Variants in LUC7L2 observed in about 807,000 individuals in gnomAD.
LUC7L2 encodes putative RNA-binding protein Luc7-like 2.
In LUC7L2, 25 loss-of-function variants were observed where a neutral mutation model predicts 52.8. The ratio of observed to expected loss-of-function variants is 0.47; its 90% CI spans 0.34 to 0.66. The LOEUF (loss-of-function observed/expected upper bound fraction) is 0.66. LUC7L2 is among the 30% of genes least tolerant of loss of function. The probability of loss-of-function intolerance (pLI) is 0.01; values close to 1 mark genes in which losing one functional copy is unlikely to be tolerated. For synonymous variants in LUC7L2, 144 were observed against 160.9 expected (o/e 0.89, Z 0.80); for missense variants, 328 against 497.8 (o/e 0.66, Z 3.25).
intron 2 of LUC7L2, among the ~76,000 whole-genome samples, chr7:139,391,895 T>C (rs76390100): frequency 1.3e-5 from 2 of 152,306 alleles, no homozygotes; most frequent in East Asian, 3.9e-4. Flanking sequence ...CCTGGCTTCA[T>C]TGATTTTTCC....
At chr7:139,347,205 A>G (rs1448510070) in intron 1 of LUC7L2, among the ~76,000 whole-genome samples, 3 of 152,028 alleles carry the variant, frequency 2.0e-5, no homozygotes, top group Non-Finnish European at 2.9e-5. Context: ...AGCACCTTCC[A>G]CAGTGACTTA....
intron 1 of LUC7L2, chr7:139,341,236 C>T: frequency 7.3e-7 from 1 of 1,376,008 alleles, no homozygotes; most frequent in African/African-American, 1.5e-5. Context: ...AAGGTTCGGT[C>T]AACGGACAAG....
chr7:139,380,019 A>T (rs1398102151), intron 2 of LUC7L2, among the ~76,000 whole-genome samples: 1 of 151,026 alleles, frequency 6.6e-6, no homozygotes, highest in Admixed American at 6.6e-5. Flanking sequence ...CTCTACTGAA[A>T]ATACAAAAAA....
chr7:139,345,235 A>G (rs1335407052), intron 1 of LUC7L2, among the ~76,000 whole-genome samples: 6 of 152,262 alleles, frequency 3.9e-5, no homozygotes, highest in African/African-American at 1.4e-4. Context: ...AAATTAAGGA[A>G]TTGAAACTAG....
intron 4 of LUC7L2, among the ~76,000 whole-genome samples, chr7:139,403,622 G>A (rs1795005990): frequency 2.0e-5 from 3 of 152,314 alleles, no homozygotes; most frequent in Middle Eastern, 3.4e-3. Flanking sequence ...GGTAGAGCCT[G>A]AGTTGTATTG....
intron 1 of LUC7L2, among the ~76,000 whole-genome samples, chr7:139,368,735 C>T (rs1207166911): frequency 1.4e-5 from 1 of 71,818 alleles, no homozygotes; most frequent in Non-Finnish European, 2.3e-5. Context: ...GAGACACCGT[C>T]TCAAAAAAAA....
intron 1 of LUC7L2, among the ~76,000 whole-genome samples, chr7:139,354,630 G>A (rs1205780220): frequency 6.6e-6 from 1 of 152,174 alleles, no homozygotes; most frequent in Non-Finnish European, 1.5e-5. Context: ...CCAAAGTGCT[G>A]GGATTATAGG....
intron 2 of LUC7L2, among the ~76,000 whole-genome samples, chr7:139,381,385 ATT>A (rs11343517): frequency 1.4e-4 from 11 of 76,686 alleles, no homozygotes; most frequent in African/African-American, 7.1e-4. Context: ...TTTTTATTTT[ATT>A]TTTTATTTTA....
intron 1 of LUC7L2, among the ~76,000 whole-genome samples, chr7:139,367,282 T>C (rs1310310437): frequency 4.6e-5 from 7 of 152,178 alleles, no homozygotes; most frequent in Admixed American, 4.6e-4. Flanking sequence ...TTGCCTTTAT[T>C]ATTATTTACT....
At chr7:139,370,800 G>A (rs1438377053) in intron 1 of LUC7L2, among the ~76,000 whole-genome samples, 1 of 152,092 alleles carries the variant, frequency 6.6e-6, no homozygotes, top group Non-Finnish European at 1.5e-5. Flanking sequence ...TTCCTGCCCT[G>A]GACTAGACTA....
chr7:139,383,604 C>T lies in LUC7L2; in HGVS notation c.156+7448C>T, dbSNP rs565426744. 2.2e-4 allele frequency among the ~76,000 whole-genome samples: 32 copies of T among 145,200 alleles called. 3 individuals are homozygous for T. The Middle Eastern group carries it at 0.012, about 56-fold the overall frequency. On this transcript the variant is annotated intron_variant, in intron 2 of 9. Coordinates refer to ENST00000354926, the MANE Select transcript of LUC7L2 (RefSeq NM_016019.5). ...TAATTGTTTGTATTTTTAGTAGAAA[C>T]GGGGTTTCACCATGTTAGCCAGGCT...
Position 139,360,173 on chromosome 7 carries a change from A to G in LUC7L2, c.-89A>G, listed in dbSNP as rs527344699. On this transcript the variant is annotated 5_prime_UTR_variant, in exon 1 of 10. Coordinates refer to ENST00000354926, the MANE Select transcript of LUC7L2 (RefSeq NM_016019.5). ...GCGGCGGCCACCGAGACAGCAGCGC[A>G]CCTTCCCCCATCCCTTCCCCTTATC... is the stretch of plus-strand genomic sequence containing the variant. The G allele has an allele frequency of 3.1e-6, 3 of 964,798 alleles. No individual in the cohort carries two copies. The highest frequency in any genetic ancestry group is 1.5e-5 in the South Asian group (1 of 65,402). The allele number at this position is 964,798 out of a possible 1,614,324, so 59.8% of individuals were successfully genotyped here.
chr7:139,384,413 G>T (rs993541677), intron 2 of LUC7L2, among the ~76,000 whole-genome samples: 10 of 151,984 alleles, frequency 6.6e-5, no homozygotes, highest in Non-Finnish European at 1.2e-4. Context: ...TTACAGGCTT[G>T]CACCACCATG....
At chr7:139,385,897 G>A (rs1198060151) in intron 2 of LUC7L2, among the ~76,000 whole-genome samples, 5 of 152,164 alleles carry the variant, frequency 3.3e-5, no homozygotes, top group African/African-American at 1.2e-4. Context: ...GGAAACAAGT[G>A]TGTTCTCCGC....
intron 9 of LUC7L2, 110 bp from the exon 10 acceptor site, chr7:139,422,053 A>G (rs1795932448): frequency 1.4e-6 from 2 of 1,440,612 alleles, no homozygotes; most frequent in East Asian, 2.5e-5. Flanking sequence ...TGTCATGGGT[A>G]TATTCGTCTA....
chr7:139,359,596 T>G, upstream of LUC7L2: 1 of 383,098 alleles, frequency 2.6e-6, no homozygotes, highest in Non-Finnish European at 4.6e-6. Flanking sequence ...TCTAGCGCAT[T>G]TTGCTAATTT....
chr7:139,369,383 A>AT (rs1181571056), intron 1 of LUC7L2, among the ~76,000 whole-genome samples: 1 of 152,184 alleles, frequency 6.6e-6, no homozygotes, highest in Admixed American at 6.5e-5. Flanking sequence ...TCTCTTGTAA[A>AT]TTTAAGAAGA....
rs576556794 is a variant in LUC7L2 at position 139,359,942 on chromosome 7, G to C, written c.-320G>C. The C allele has an allele frequency of 2.4e-6, 1 of 421,946 alleles. No individual in the cohort carries two copies. Among genetic ancestry groups the C allele is most frequent in the Admixed American group, 4.4e-5 (1 of 22,830 alleles). 26.1% of individuals were successfully genotyped at this position (421,946 alleles called of 1,614,324 possible). A position where few individuals can be genotyped will look rare whatever the true frequency, so the allele number is the denominator to read the frequency against. On this transcript the variant is annotated 5_prime_UTR_variant, in exon 1 of 10. Transcript: ENST00000354926. ...GGCGAGCGGCGTCAGAGCTTGAGGGGGGGTTGACGGCTTCTGGCGGGTGGC... is the reference window on the plus strand; with the variant it reads ...GGCGAGCGGCGTCAGAGCTTGAGGGCGGGTTGACGGCTTCTGGCGGGTGGC...
chr7:139,370,079 C>T (rs1800364468), intron 1 of LUC7L2, among the ~76,000 whole-genome samples: 2 of 152,118 alleles, frequency 1.3e-5, no homozygotes, highest in South Asian at 4.1e-4. Context: ...GAAAGTTTTA[C>T]ATAGATCAAG....
Sources: gnomAD v4.1 joint callset for allele counts (sites outside exome capture counted in the v4.1 genomes callset) on GRCh38, gnomAD v4.1.1 for gene constraint, MANE v1.5 for transcripts, NCBI Gene and HGNC (gene_info 2026-07-23, HGNC 2026-07-21) for gene names.